The following ADAMTS19 variants were observed in gnomAD, a reference collection of about 807,000 sequenced individuals.
The protein encoded by ADAMTS19 is ADAM metallopeptidase with thrombospondin type 1 motif 19, also known as A disintegrin and metalloproteinase with thrombospondin motifs 19.
A neutral mutation model predicts 153.3 loss-of-function variants in ADAMTS19; 93 were observed. The ratio of observed to expected loss-of-function variants is 0.61; its 90% CI spans 0.51 to 0.72. ADAMTS19 has a LOEUF of 0.72. Among genes scored for constraint, ADAMTS19 ranks in the 30% least tolerant of loss-of-function variants. The pLI is 0.00. For synonymous variants in ADAMTS19, 600 were observed against 556.6 expected, an observed-to-expected ratio of 1.08 and a Z score of -1.10; for missense variants, 1,482 against 1,552.1, an observed-to-expected ratio of 0.95 and a Z score of 0.76.
rs971813871 is a variant in ADAMTS19, at chr5:129,461,465, C to T, written c.455C>T (p.Pro152Leu). 12 of 1,462,058 alleles carry T rather than the reference C, an allele frequency of 8.2e-6. No individual in the cohort carries two copies. The highest frequency in any genetic ancestry group is 6.8e-5 in the South Asian group (5 of 73,856). The allele number at this position is 1,462,058 out of a possible 1,614,324, so 90.6% of individuals were successfully genotyped here. A position where few individuals can be genotyped will look rare whatever the true frequency, so the allele number is the denominator to read the frequency against. ...APASWQPPPP[P>L]QPPPSPPPAQ... ...GCCTCGTGGCAGCCGCCGCCTCCCCCGCAGCCGCCCCCGTCCCCGCCCCCG... is the reference window on the plus strand; with the variant it reads ...GCCTCGTGGCAGCCGCCGCCTCCCCTGCAGCCGCCCCCGTCCCCGCCCCCG... The change falls in exon 2 of 23, where the codon CCG (proline) becomes CTG (leucine). Residue 152 changes from proline to leucine, a missense_variant. Physicochemically the swap from Pro to Leu is moderately conservative, Grantham distance 98. Transcript: ENST00000274487. The surrounding 1 kb of genome is among the most constrained non-coding windows in gnomAD (Gnocchi z 4.6).
intron 9 of ADAMTS19, 40 bp from the exon 10 acceptor site, chr5:129,622,158 C>T (rs778598020): frequency 6.2e-7 from 1 of 1,609,368 alleles, no homozygotes; most frequent in Non-Finnish European, 8.5e-7. Context: ...CAGCTTTTTA[C>T]ATTAAATTCA....
chr5:129,479,228 T>A (rs1750330342), intron 2 of ADAMTS19, among the ~76,000 whole-genome samples: 2 of 152,180 alleles, frequency 1.3e-5, no homozygotes, highest in African/African-American at 4.8e-5. Context: ...CACATTCACA[T>A]CATTTTAATC....
Position 129,605,529 on chromosome 5 carries a change from T to C in ADAMTS19, c.1478+8865T>C, listed in dbSNP as rs145316554. Reference sequence around the variant, plus strand: ...TTCAGTGAGGCCTTTCTGATAACATTTCTTAAAATTGTAAGCACAACCACT... The same window carrying C: ...TTCAGTGAGGCCTTTCTGATAACATCTCTTAAAATTGTAAGCACAACCACT... On this transcript the variant is annotated intron_variant, in intron 8 of 22. Coordinates refer to ENST00000274487, the MANE Select transcript of ADAMTS19 (RefSeq NM_133638.6). 4.2e-3 allele frequency among the ~76,000 whole-genome samples: 647 copies of C among 152,320 alleles called. 1 individual carries two copies. The highest frequency in any genetic ancestry group is 6.9e-3 in the Non-Finnish European group (469 of 68,024).
At chr5:129,639,189 T>C (rs572056612) in intron 10 of ADAMTS19, among the ~76,000 whole-genome samples, 1 of 152,298 alleles carries the variant, frequency 6.6e-6, no homozygotes, top group South Asian at 2.1e-4. Context: ...CCCTTGCCTG[T>C]GTAACATATG....
intron 11 of ADAMTS19, among the ~76,000 whole-genome samples, chr5:129,645,500 C>T (rs1422024233): frequency 1.3e-5 from 2 of 152,186 alleles, no homozygotes; most frequent in Non-Finnish European, 2.9e-5. Context: ...ACTTTAAATA[C>T]TATGCTGTAG....
chr5:129,676,840 C>G (rs1363335508), intron 16 of ADAMTS19, among the ~76,000 whole-genome samples: 3 of 152,096 alleles, frequency 2.0e-5, no homozygotes, highest in Non-Finnish European at 4.4e-5. Context: ...TGTGTGAGTG[C>G]CATTTTCTGG....
Position 129,479,293 on chromosome 5 carries a change from A to G in ADAMTS19, c.747+17536A>G, listed in dbSNP as rs185735546. ...ATGTGGAATAAGTATAGGAGTAGAA[A>G]TAGTAGAATTTAACATAGAAATTTG... On this transcript the variant is annotated intron_variant, in intron 2 of 22. Coordinates refer to ENST00000274487, the MANE Select transcript of ADAMTS19 (RefSeq NM_133638.6). Among the ~76,000 whole-genome samples, 331 of 152,318 alleles carry G rather than the reference A, an allele frequency of 2.2e-3. 1 individual carries two copies. The highest frequency in any genetic ancestry group is 7.4e-3 in the African/African-American group (307 of 41,572).
At chr5:129,653,038 A>G (rs985688955) in intron 13 of ADAMTS19, among the ~76,000 whole-genome samples, 8 of 152,196 alleles carry the variant, frequency 5.3e-5, no homozygotes, top group African/African-American at 1.7e-4. Flanking sequence ...TGAGAGCAGT[A>G]TTCAGAAGCC....
At chr5:129,625,484 T>C (rs1751990699) in intron 10 of ADAMTS19, among the ~76,000 whole-genome samples, 1 of 152,138 alleles carries the variant, frequency 6.6e-6, no homozygotes, top group Non-Finnish European at 1.5e-5. Context: ...TTCTCCACAT[T>C]CTCTCCAGCA....
intron 15 of ADAMTS19, 52 bp from the exon 16 acceptor site, chr5:129,665,447 A>C (rs1303570074): frequency 7.0e-7 from 1 of 1,428,908 alleles, no homozygotes; most frequent in East Asian, 2.5e-5. Flanking sequence ...AATGAAGAAA[A>C]GAGATTTTGA....
intron 15 of ADAMTS19, among the ~76,000 whole-genome samples, chr5:129,660,074 GA>G (rs1358527877): frequency 6.6e-6 from 1 of 152,160 alleles, no homozygotes; most frequent in Non-Finnish European, 1.5e-5. Flanking sequence ...CAGTCCTTCA[GA>G]AAAGAAAATT....
intron 18 of ADAMTS19, among the ~76,000 whole-genome samples, chr5:129,692,304 G>A (rs567043791): frequency 7.0e-4 from 106 of 152,002 alleles, no homozygotes; most frequent in African/African-American, 2.5e-3. Flanking sequence ...TTACATTTAG[G>A]TAAATCTTAC....
chr5:129,567,560 A>C (rs2126856502), intron 7 of ADAMTS19, among the ~76,000 whole-genome samples: 1 of 152,294 alleles, frequency 6.6e-6, no homozygotes, highest in East Asian at 1.9e-4. Context: ...AATTGGAATA[A>C]AATCTCTCTG....
intron 8 of ADAMTS19, among the ~76,000 whole-genome samples, chr5:129,614,287 T>A (rs1256986965): frequency 6.6e-5 from 10 of 152,134 alleles, no homozygotes; most frequent in African/African-American, 2.2e-4. Context: ...AAATCTTCAA[T>A]AAAATACTGG....
At chr5:129,502,611 A>T (rs548946340) in intron 2 of ADAMTS19, among the ~76,000 whole-genome samples, 34 of 152,316 alleles carry the variant, frequency 2.2e-4, no homozygotes, top group South Asian at 8.3e-4. Context: ...TCATCTGAAA[A>T]GTTTTCCTAA....
At position 129,461,114 on chromosome 5, in the gene ADAMTS19, C is replaced by T. The variant is rs980206673; in HGVS notation, c.104C>T (p.Ala35Val). The T allele has an allele frequency of 2.1e-6, 3 of 1,417,716 alleles. No homozygotes were observed. The highest frequency in any genetic ancestry group is 2.8e-6 in the Non-Finnish European group (3 of 1,084,602). 87.8% of individuals were successfully genotyped at this position (1,417,716 alleles called of 1,614,324 possible). A position where few individuals can be genotyped will look rare whatever the true frequency, so the allele number is the denominator to read the frequency against. The change falls in exon 2 of 23, where the codon GCC becomes GTC. Residue 35 changes from alanine (A) to valine (V), a missense_variant. Physicochemically the swap from Ala to Val is moderately conservative, Grantham distance 64. This residue lies in a region of ADAMTS19 where 866 missense variants were observed against 827.7 expected (regional missense o/e 1.05). Transcript: ENST00000274487. The surrounding 1 kb of genome is among the most constrained non-coding windows in gnomAD (Gnocchi z 4.6). ...SNGIVSELQF[A>V]PDREEWEVVF... is the part of the protein sequence containing the mutation. ...GCCCCGCCCGCAGAGCTGCAGTTCG[C>T]CCCCGACCGCGAGGAGTGGGAAGTC...
Position 129,658,708 on chromosome 5 carries a change from A to G in ADAMTS19, c.2396A>G (p.Lys799Arg). The change falls in exon 15 of 23, where the codon AAA becomes AGA. Residue 799 changes from lysine to arginine, a missense_variant. Lys to Arg is a conservative substitution (Grantham distance 26). Coordinates refer to ENST00000274487, the MANE Select transcript of ADAMTS19 (RefSeq NM_133638.6). ...AATGGAAAATCATGCAAGATCATTA[A>G]AGGGGATTTTAATCACACCAGAGGA... ...NGNGKSCKII[K>R]GDFNHTRGAG... 6.2e-7 allele frequency: 1 copy of G among 1,612,886 alleles called. No individual in the cohort carries two copies. The highest frequency in any genetic ancestry group is 8.5e-7 in the Non-Finnish European group (1 of 1,179,350).
intron 3 of ADAMTS19, among the ~76,000 whole-genome samples, chr5:129,511,277 T>C (rs1430450083): frequency 6.6e-6 from 1 of 151,892 alleles, no homozygotes; most frequent in African/African-American, 2.4e-5. Flanking sequence ...CTTACATGAA[T>C]ATTTTTTTCC....
chr5:129,736,972 T>G, intron 22 of ADAMTS19, 95 bp from the exon 23 acceptor site: 1 of 1,210,622 alleles, frequency 8.3e-7, no homozygotes, highest in Non-Finnish European at 1.1e-6. Context: ...CCAAAGAGAG[T>G]GTACAAAATC....
Sources: allele counts gnomAD v4.1 joint callset (sites outside exome capture counted in the v4.1 genomes callset), GRCh38; gene constraint gnomAD v4.1.1; regional missense constraint gnomAD v4.1.1; non-coding constraint Gnocchi (gnomAD v3.1); transcripts MANE v1.5; gene names NCBI Gene and HGNC (gene_info 2026-07-23, HGNC 2026-07-21).